The following TENM3 variants were observed in gnomAD, a reference collection of about 807,000 sequenced individuals.
The protein encoded by TENM3 is teneurin-3.
Under a neutral mutation model 255.1 loss-of-function variants are expected in TENM3, and 63 were observed. The observed-to-expected ratio is 0.25, with a 90% CI of 0.20 to 0.30. TENM3 has a LOEUF of 0.30. Among genes scored for constraint, TENM3 ranks in the 10% least tolerant of loss-of-function variants. TENM3 has a pLI of 1.00. For missense variants in TENM3, 2,929 were observed against 3,461.1 expected (o/e 0.85, Z 3.86); for synonymous variants, 1,306 against 1,322.3 (o/e 0.99, Z 0.27).
the TENM3 span, among the ~76,000 whole-genome samples, chr4:181,582,629 A>G: frequency 1.3e-5 from 2 of 150,694 alleles, no homozygotes; most frequent in African/African-American, 4.9e-5. Flanking sequence ...CCTGGGCAAC[A>G]GAGTGAGACT....
At chr4:182,238,527 T>C (rs1393935610), upstream of TENM3, among the ~76,000 whole-genome samples, 1 of 152,138 alleles carries the variant, frequency 6.6e-6, no homozygotes, top group African/African-American at 2.4e-5. Flanking sequence ...TCCCTTTTGA[T>C]CGGAATCCTT....
In TENM3 at chr4:182,799,589, C is replaced by T; in HGVS notation, c.7345-7C>T. The T allele has an allele frequency of 6.5e-7, 1 of 1,535,916 alleles. No individual in the cohort carries two copies. Among genetic ancestry groups the T allele is most frequent in the Non-Finnish European group, 8.7e-7 (1 of 1,145,974 alleles). The stretch of plus-strand genomic sequence containing the variant: ...CTGACGCGCCCCCTCTTTTGTTTCG[C>T]CCGCAGCCCATCTTCGGAGTCCAGC... On this transcript the variant is annotated splice_polypyrimidine_tract_variant and splice_region_variant and intron_variant, in intron 27 of 27. Transcript: ENST00000511685. This position sits in a 1 kb window ranked among gnomAD's most constrained non-coding sequence, Gnocchi z 4.2.
At chr4:181,653,394 T>TTTG in the TENM3 span, among the ~76,000 whole-genome samples, 4 of 151,322 alleles carry the variant, frequency 2.6e-5, no homozygotes, top group East Asian at 7.8e-4. Flanking sequence ...CATTGTTTTG[T>TTTG]TTTGTTTGTT....
chr4:181,552,378 G>A, the TENM3 span, among the ~76,000 whole-genome samples: 5 of 152,284 alleles, frequency 3.3e-5, no homozygotes, highest in Admixed American at 2.6e-4. Context: ...TGTCATTAGT[G>A]TTAGCAGTAT....
At chr4:181,601,708 A>G in the TENM3 span, among the ~76,000 whole-genome samples, 12 of 152,210 alleles carry the variant, frequency 7.9e-5, no homozygotes, top group East Asian at 2.3e-3. Context: ...TAGGGGTTAC[A>G]TTTTGGCCCC....
At chr4:181,638,360 T>C in the TENM3 span, among the ~76,000 whole-genome samples, 1 of 152,216 alleles carries the variant, frequency 6.6e-6, no homozygotes, top group African/African-American at 2.4e-5. Flanking sequence ...GATAAGGCCG[T>C]GAAAGTTGTG....
At chr4:181,888,656 A>G in the TENM3 span, among the ~76,000 whole-genome samples, 1 of 145,246 alleles carries the variant, frequency 6.9e-6, no homozygotes, top group African/African-American at 2.6e-5. Context: ...GAATAGACTC[A>G]TATGATTATG....
the TENM3 span, among the ~76,000 whole-genome samples, chr4:181,456,144 TGTAG>T: frequency 3.0e-5 from 4 of 135,106 alleles, no homozygotes; most frequent in Non-Finnish European, 4.7e-5. Context: ...TGTGTGTGTG[TGTAG>T]GTGTGTGTGT....
At chr4:182,416,317 C>A (rs1770355365) in intron 3 of TENM3, among the ~76,000 whole-genome samples, 1 of 151,822 alleles carries the variant, frequency 6.6e-6, no homozygotes, top group Non-Finnish European at 1.5e-5. Flanking sequence ...TGACCAGCTG[C>A]AAAAATGGTA....
the TENM3 span, among the ~76,000 whole-genome samples, chr4:182,024,592 A>G: frequency 1.3e-5 from 2 of 152,192 alleles, no homozygotes; most frequent in East Asian, 3.9e-4. Context: ...GTATATATTC[A>G]TGGGGTCCTG....
chr4:182,047,550 G>A, the TENM3 span, among the ~76,000 whole-genome samples: 1 of 89,420 alleles, frequency 1.1e-5, no homozygotes, highest in African/African-American at 4.7e-5. Context: ...GACAGAACGA[G>A]ACTCCATCTC....
chr4:181,645,431 A>G, the TENM3 span, among the ~76,000 whole-genome samples: 2 of 152,210 alleles, frequency 1.3e-5, no homozygotes, highest in African/African-American at 2.4e-5. Context: ...TGAGAGCTCC[A>G]GTTCCCACTG....
At chr4:182,720,417 A>G (rs1388356364) in intron 13 of TENM3, among the ~76,000 whole-genome samples, 1 of 152,152 alleles carries the variant, frequency 6.6e-6, no homozygotes, top group African/African-American at 2.4e-5. Context: ...GAATCCAGAT[A>G]TTATCAGACA....
chr4:182,000,839 T>C, the TENM3 span, among the ~76,000 whole-genome samples: 34,104 of 150,234 alleles, frequency 0.23, 3,991 homozygotes, highest in Admixed American at 0.27. Context: ...GAAAGAAGAC[T>C]ATTATCTTAA....
intron 1 of TENM3, among the ~76,000 whole-genome samples, chr4:182,292,364 G>C (rs1387637846): frequency 1.3e-5 from 2 of 152,198 alleles, no homozygotes; most frequent in Non-Finnish European, 2.9e-5. Flanking sequence ...AAAATGAACA[G>C]TGCCTATCTT....
rs145035084 is a variant in TENM3, at chr4:182,726,633, AGGTGGGG to A, written c.2369-2331_2369-2325del. On this transcript the variant is annotated intron_variant, in intron 13 of 27. Transcript: ENST00000511685. The stretch of plus-strand genomic sequence containing the variant: ...GGGAAGGTTATGCACATGGCCTGAG[AGGTGGGG>A]AAGGCCGGATACGCAAACGAAAAGT... Among the ~76,000 whole-genome samples the A allele has an allele frequency of 7.5e-3, 1,145 of 152,290 alleles. 11 individuals carry two copies. The highest frequency in any genetic ancestry group is 0.026 in the African/African-American group (1,096 of 41,560).
At chr4:182,297,826 TC>T (rs146626953) in intron 1 of TENM3, among the ~76,000 whole-genome samples, 522 of 152,342 alleles carry the variant, frequency 3.4e-3, no homozygotes, top group African/African-American at 0.012. Context: ...AGTTCCTCTG[TC>T]CCAGGCCTGG....
chr4:182,688,329 G>T lies in TENM3; in HGVS notation c.2199G>T (p.Trp733Cys). The T allele has an allele frequency of 6.2e-7, 1 of 1,613,298 alleles. No individual in the cohort carries two copies. The highest frequency in any genetic ancestry group is 8.5e-7 in the Non-Finnish European group (1 of 1,179,540). Reference protein sequence around the residue: ...KDGKCECSQGWNGEHCTIEGC... With the variant: ...KDGKCECSQGCNGEHCTIEGC... ...GCAAGTGTGAATGCAGCCAGGGCTG[G>T]AATGGAGAGCACTGCACTATCGGTA... The change falls in exon 12 of 28, where the codon TGG (tryptophan) becomes TGT (cysteine). Residue 733 changes from tryptophan to cysteine, a missense_variant. Trp to Cys is a radical substitution (Grantham distance 215). Transcript: ENST00000511685.
the TENM3 span, among the ~76,000 whole-genome samples, chr4:181,993,168 G>A: frequency 6.6e-6 from 1 of 152,224 alleles, no homozygotes; most frequent in African/African-American, 2.4e-5. Flanking sequence ...TATCTTCTCG[G>A]ATTTTTAGAA....
Sources: gnomAD v4.1 joint callset for allele counts (sites outside exome capture counted in the v4.1 genomes callset) on GRCh38, gnomAD v4.1.1 for gene constraint, Gnocchi (gnomAD v3.1) non-coding constraint, MANE v1.5 for transcripts, NCBI Gene and HGNC (gene_info 2026-07-23, HGNC 2026-07-21) for gene names.